TRPM3: variants seen among roughly 807,000 people sequenced by gnomAD.
TRPM3 encodes transient receptor potential cation channel subfamily M member 3, also known as long transient receptor potential channel 3.
In TRPM3, 77 loss-of-function variants were observed where a neutral mutation model predicts 181.2. That is an observed-to-expected ratio of 0.42 (90% CI 0.35 to 0.51). The LOEUF is 0.51. TRPM3 is among the 20% of genes least tolerant of loss of function. The probability of loss-of-function intolerance (pLI) is 0.01; values close to 1 mark genes in which losing one functional copy is unlikely to be tolerated. For synonymous variants in TRPM3, 745 were observed against 796.4 expected (o/e 0.94, Z 1.09); for missense variants, 1,759 against 2,196.7 (o/e 0.80, Z 3.98).
intron 1 of TRPM3, among the ~76,000 whole-genome samples, chr9:71,185,439 A>G (rs905644868): frequency 1.3e-5 from 2 of 152,146 alleles, no homozygotes; most frequent in Non-Finnish European, 2.9e-5. Flanking sequence ...TAATAAAACA[A>G]AAACCAAAGA....
intron 1 of TRPM3, among the ~76,000 whole-genome samples, chr9:71,015,709 G>A (rs562956923): frequency 2.0e-5 from 3 of 152,000 alleles, no homozygotes; most frequent in Non-Finnish European, 4.4e-5. Context: ...AATCCAAAAC[G>A]TTCTTTTTTA....
chr9:70,891,709 T>C (rs1178764424), intron 1 of TRPM3, among the ~76,000 whole-genome samples: 1 of 152,188 alleles, frequency 6.6e-6, no homozygotes, highest in Non-Finnish European at 1.5e-5. Context: ...TGGGTTGTTG[T>C]ATAAAATGAA....
chr9:71,346,437 G>T (rs1376937445), intron 1 of TRPM3, among the ~76,000 whole-genome samples: 1 of 152,122 alleles, frequency 6.6e-6, no homozygotes, highest in East Asian at 1.9e-4. Context: ...ATAAAATAAT[G>T]CAAGTACAAA....
intron 1 of TRPM3, among the ~76,000 whole-genome samples, chr9:71,016,297 C>A (rs1220134881): frequency 6.6e-6 from 1 of 150,656 alleles, no homozygotes; most frequent in East Asian, 2.0e-4. Context: ...CCATTTTAAC[C>A]ATTTTTAAGT....
At chr9:70,680,340 T>C (rs913942552) in intron 9 of TRPM3, among the ~76,000 whole-genome samples, 2 of 152,212 alleles carry the variant, frequency 1.3e-5, no homozygotes, top group Non-Finnish European at 2.9e-5. Context: ...GAGTTGAGCA[T>C]GGTAGCACAT....
At chr9:70,811,857 AT>A (rs1690550554) in intron 6 of TRPM3, among the ~76,000 whole-genome samples, 1 of 152,186 alleles carries the variant, frequency 6.6e-6, no homozygotes, top group Non-Finnish European at 1.5e-5. Context: ...CTCAACATGC[AT>A]AATATTATTA....
chr9:70,941,038 A>G (rs2096880969), intron 1 of TRPM3, among the ~76,000 whole-genome samples: 2 of 152,198 alleles, frequency 1.3e-5, no homozygotes, highest in South Asian at 4.1e-4. Flanking sequence ...GTGGAGGAAA[A>G]TCTGAGCAGT....
At chr9:71,033,434 T>G (rs1202813366) in intron 1 of TRPM3, among the ~76,000 whole-genome samples, 1 of 152,236 alleles carries the variant, frequency 6.6e-6, no homozygotes, top group African/African-American at 2.4e-5. Flanking sequence ...GTTAAGTTCC[T>G]ATGGTATATT....
At chr9:70,899,781 C>A (rs1397736298) in intron 1 of TRPM3, among the ~76,000 whole-genome samples, 1 of 152,170 alleles carries the variant, frequency 6.6e-6, no homozygotes, top group East Asian at 1.9e-4. Context: ...GGGTTAGGAA[C>A]CCTCTCTGCT....
chr9:71,212,858 T>C (rs1024166036), intron 1 of TRPM3, among the ~76,000 whole-genome samples: 7 of 151,984 alleles, frequency 4.6e-5, no homozygotes, highest in Non-Finnish European at 7.4e-5. Context: ...TTACTATGTA[T>C]GTATGTATGT....
At chr9:71,021,760 G>A (rs556478407) in intron 1 of TRPM3, among the ~76,000 whole-genome samples, 57 of 152,238 alleles carry the variant, frequency 3.7e-4, no homozygotes, top group African/African-American at 1.4e-3. Context: ...CCTTGAAGGT[G>A]CACAGGTGAT....
chr9:70,551,775 G>C (rs111262240), intron 24 of TRPM3, among the ~76,000 whole-genome samples: 2 of 152,172 alleles, frequency 1.3e-5, no homozygotes, highest in African/African-American at 4.8e-5. Context: ...ATTGGCTAGA[G>C]TTCCTGAGTC....
intron 1 of TRPM3, among the ~76,000 whole-genome samples, chr9:71,178,864 T>C (rs1474100079): frequency 2.0e-5 from 3 of 152,146 alleles, no homozygotes; most frequent in Admixed American, 2.0e-4. Context: ...GGGATGTTTC[T>C]CTTACTTCAG....
At chr9:70,892,896 T>C (rs1477518363) in intron 1 of TRPM3, among the ~76,000 whole-genome samples, 1 of 152,202 alleles carries the variant, frequency 6.6e-6, no homozygotes, top group African/African-American at 2.4e-5. Flanking sequence ...TACCTTCACA[T>C]ATCTAGGAAG....
intron 1 of TRPM3, among the ~76,000 whole-genome samples, chr9:71,147,569 A>G (rs1202417782): frequency 1.3e-5 from 2 of 152,128 alleles, no homozygotes; most frequent in Admixed American, 1.3e-4. Flanking sequence ...AGTCCTATAC[A>G]TACACTTGAC....
At chr9:71,018,044 T>TCAAA (rs1468936696) in intron 1 of TRPM3, among the ~76,000 whole-genome samples, 1 of 151,858 alleles carries the variant, frequency 6.6e-6, no homozygotes, top group African/African-American at 2.4e-5. Context: ...TCCCCCGCTG[T>TCAAA]TTAAGATCTG....
At chr9:70,872,191 A>G (rs2132575788) in intron 1 of TRPM3, among the ~76,000 whole-genome samples, 1 of 152,096 alleles carries the variant, frequency 6.6e-6, no homozygotes, top group Middle Eastern at 3.4e-3. Context: ...GTTGTAGCAT[A>G]AGAACTCCCA....
At chr9:70,892,338 T>C (rs776381723) in intron 1 of TRPM3, among the ~76,000 whole-genome samples, 12 of 152,020 alleles carry the variant, frequency 7.9e-5, no homozygotes, top group Non-Finnish European at 1.6e-4. Flanking sequence ...CATCTGTAAA[T>C]TCGTAGAAAT....
At chr9:71,011,778 TTTTGTTTTTTTG>T (rs967572514) in intron 1 of TRPM3, among the ~76,000 whole-genome samples, 7 of 130,840 alleles carry the variant, frequency 5.4e-5, no homozygotes, top group East Asian at 2.1e-4. Context: ...TGGTTTTTTT[TTTTGTTTTTTTG>T]TTTTTTTTCA....
Sources: gnomAD v4.1 joint callset for allele counts (sites outside exome capture counted in the v4.1 genomes callset) on GRCh38, gnomAD v4.1.1 for gene constraint, MANE v1.5 for transcripts, NCBI Gene and HGNC (gene_info 2026-07-23, HGNC 2026-07-21) for gene names.